RIN2: variants seen among roughly 807,000 people sequenced by gnomAD.
RIN2 encodes RAB5 interacting protein 2.
RIN2 carries 36 observed loss-of-function variants against 78.0 expected under a neutral mutation model. The ratio of observed to expected loss-of-function variants is 0.46; its 90% CI spans 0.35 to 0.61. RIN2 has a LOEUF of 0.61. RIN2 is among the 20% of genes least tolerant of loss of function. RIN2 has a pLI of 0.00. For missense variants in RIN2, 1,087 were observed against 1,159.7 expected (o/e 0.94, Z 0.91); for synonymous variants, 466 against 466.8 (o/e 1.00, Z 0.02).
At chr20:19,780,534 C>T (rs1398767267) in intron 1 of RIN2, among the ~76,000 whole-genome samples, 1 of 152,108 alleles carries the variant, frequency 6.6e-6, no homozygotes, top group African/African-American at 2.4e-5. Flanking sequence ...AAGTGGGACT[C>T]AAGGGTCTCA....
intron 1 of RIN2, among the ~76,000 whole-genome samples, chr20:19,769,527 A>G (rs552254401): frequency 3.9e-5 from 6 of 152,346 alleles, no homozygotes; most frequent in African/African-American, 1.4e-4. Flanking sequence ...GGTAGGTTGC[A>G]CAAGCCCTGC....
At chr20:19,802,641 G>C (rs1175710420) in intron 2 of RIN2, among the ~76,000 whole-genome samples, 2 of 152,014 alleles carry the variant, frequency 1.3e-5, no homozygotes, top group African/African-American at 4.8e-5. Flanking sequence ...GCCACCTTTG[G>C]GTAGTCCCTA....
intron 3 of RIN2, among the ~76,000 whole-genome samples, chr20:19,932,892 G>A (rs558041164): frequency 6.6e-6 from 1 of 152,240 alleles, no homozygotes; most frequent in African/African-American, 2.4e-5. Context: ...CTTCCCCATT[G>A]CTCCCATCTC....
chr20:19,923,454 TAAA>T (rs1280779934), intron 3 of RIN2, among the ~76,000 whole-genome samples: 1 of 128,482 alleles, frequency 7.8e-6, no homozygotes, highest in African/African-American at 3.5e-5. Context: ...TAAAATAAAA[TAAA>T]ATAAAATAAA....
At chr20:19,974,603 G>C (rs2042208216) in intron 8 of RIN2, 51 bp from the exon 9 acceptor site, 1 of 1,551,562 alleles carries the variant, frequency 6.4e-7, no homozygotes, top group Non-Finnish European at 8.8e-7. Context: ...TGAAGGAATG[G>C]TCTGAGTGTA....
chr20:19,914,444 T>C (rs1342409537), intron 3 of RIN2, among the ~76,000 whole-genome samples: 1 of 152,188 alleles, frequency 6.6e-6, no homozygotes, highest in East Asian at 1.9e-4. Context: ...TTTCCCACCA[T>C]CAGAAGGACA....
intron 11 of RIN2, among the ~76,000 whole-genome samples, chr20:19,995,366 G>T (rs1307312169): frequency 6.6e-6 from 1 of 151,688 alleles, no homozygotes; most frequent in Admixed American, 6.6e-5. Flanking sequence ...GTGGCTCACA[G>T]TAGAGATTCA....
intron 1 of RIN2, among the ~76,000 whole-genome samples, chr20:19,765,299 C>A (rs2033838369): frequency 1.3e-5 from 2 of 152,280 alleles, no homozygotes; most frequent in South Asian, 4.1e-4. Flanking sequence ...TTGGGATCCT[C>A]TTTTTCTGGG....
chr20:19,946,685 C>A (rs932442432), intron 4 of RIN2, among the ~76,000 whole-genome samples: 4 of 148,530 alleles, frequency 2.7e-5, no homozygotes, highest in Non-Finnish European at 5.9e-5. Context: ...TGCACTCCAG[C>A]CCTGGGTGAC....
intron 2 of RIN2, among the ~76,000 whole-genome samples, chr20:19,815,958 G>A (rs374324494): frequency 9.2e-5 from 14 of 152,184 alleles, no homozygotes; most frequent in African/African-American, 3.1e-4. Flanking sequence ...AAAATTTGAT[G>A]TTGAAAAAGA....
chr20:19,776,689 G>A (rs1424738232), intron 1 of RIN2, among the ~76,000 whole-genome samples: 2 of 150,934 alleles, frequency 1.3e-5, no homozygotes, highest in Non-Finnish European at 2.9e-5. Flanking sequence ...CCGAGATCAC[G>A]CCACTGCGCT....
intron 1 of RIN2, among the ~76,000 whole-genome samples, chr20:19,797,305 G>A (rs1032723466): frequency 1.3e-5 from 2 of 152,182 alleles, no homozygotes; most frequent in African/African-American, 2.4e-5. Flanking sequence ...TATGATGCAA[G>A]AGTGACTTAG....
At chr20:19,871,792 C>G (rs1211486097) in intron 2 of RIN2, 2 of 152,198 alleles carry the variant, frequency 1.3e-5, no homozygotes, top group Non-Finnish European at 2.9e-5. Context: ...CTCTGCCTAA[C>G]AGGGACTATA....
chr20:19,990,338 G>A (rs769041049), intron 10 of RIN2, 27 bp downstream of exon 10: 84 of 1,585,844 alleles, frequency 5.3e-5, no homozygotes, highest in Admixed American at 2.1e-4. Context: ...CCCAGGCTTC[G>A]TGCCGCTTCC....
At chr20:19,925,085 G>A (rs1388164081) in intron 3 of RIN2, among the ~76,000 whole-genome samples, 1 of 117,926 alleles carries the variant, frequency 8.5e-6, no homozygotes, top group Non-Finnish European at 1.7e-5. Flanking sequence ...TCAGCCTTTG[G>A]GTAAATTTGT....
chr20:19,769,897 A>G (rs2034046126), intron 1 of RIN2, among the ~76,000 whole-genome samples: 1 of 152,268 alleles, frequency 6.6e-6, no homozygotes, highest in Non-Finnish European at 1.5e-5. Flanking sequence ...TTAGCTTAAG[A>G]ATCAATAAAC....
At chr20:19,875,987 C>T (rs151266165) in intron 2 of RIN2, among the ~76,000 whole-genome samples, 89 of 152,328 alleles carry the variant, frequency 5.8e-4, no homozygotes, top group Middle Eastern at 3.4e-3. Flanking sequence ...GCCGGGGTCC[C>T]TCCCTCTGAG....
intron 2 of RIN2, among the ~76,000 whole-genome samples, chr20:19,868,183 A>G (rs2037566655): frequency 6.6e-6 from 1 of 152,230 alleles, no homozygotes; most frequent in South Asian, 2.1e-4. Context: ...ATATAAAATG[A>G]AGATGGCCTT....
chr20:19,950,843 G>C (rs1038043260), intron 4 of RIN2, among the ~76,000 whole-genome samples: 1 of 151,188 alleles, frequency 6.6e-6, no homozygotes, highest in Non-Finnish European at 1.5e-5. Flanking sequence ...CTGAGCAGCT[G>C]TGGCTAGAAC....
Sources: gnomAD v4.1 joint callset for allele counts (sites outside exome capture counted in the v4.1 genomes callset) on GRCh38, gnomAD v4.1.1 for gene constraint, MANE v1.5 for transcripts, NCBI Gene and HGNC (gene_info 2026-07-23, HGNC 2026-07-21) for gene names.